Variants in SGCZ observed in about 807,000 individuals in gnomAD.
SGCZ encodes the protein zeta-sarcoglycan.
Under a neutral mutation model 41.3 loss-of-function variants are expected in SGCZ, and 40 were observed. The ratio of observed to expected loss-of-function variants is 0.97; its 90% CI spans 0.75 to 1.26. The LOEUF is 1.26. SGCZ is among the 50% of genes most tolerant of loss of function. The pLI is 0.00. For missense variants in SGCZ, 552 were observed against 369.8 expected (o/e 1.49, Z -4.04); for synonymous variants, 206 against 137.5 (o/e 1.50, Z -3.49).
At chr8:14,436,023 C>G (rs1190485056) in intron 2 of SGCZ, among the ~76,000 whole-genome samples, 1 of 152,176 alleles carries the variant, frequency 6.6e-6, no homozygotes, top group Non-Finnish European at 1.5e-5. Context: ...GATTACTAAG[C>G]AGGTATTATT....
chr8:14,802,789 T>A (rs754103363), intron 1 of SGCZ, among the ~76,000 whole-genome samples: 10 of 152,206 alleles, frequency 6.6e-5, no homozygotes, highest in Non-Finnish European at 1.0e-4. Context: ...TTAGATGAGA[T>A]AAAGAGGAGC....
At chr8:14,488,226 A>G (rs2035357950) in intron 2 of SGCZ, among the ~76,000 whole-genome samples, 1 of 152,242 alleles carries the variant, frequency 6.6e-6, no homozygotes, top group Admixed American at 6.5e-5. Context: ...TTAATAAAAC[A>G]AACAAAAACA....
At chr8:14,947,247 A>G (rs1800483511) in intron 1 of SGCZ, among the ~76,000 whole-genome samples, 1 of 152,220 alleles carries the variant, frequency 6.6e-6, no homozygotes. Flanking sequence ...GAAGTATTTC[A>G]AATTTCTTAA....
chr8:14,600,693 G>A (rs1805562683), intron 1 of SGCZ, among the ~76,000 whole-genome samples: 1 of 152,000 alleles, frequency 6.6e-6, no homozygotes, highest in South Asian at 2.1e-4. Context: ...AGCCTGTGAT[G>A]GCTGTGTCAT....
intron 2 of SGCZ, among the ~76,000 whole-genome samples, chr8:14,514,296 G>A (rs1318911678): frequency 6.6e-6 from 1 of 152,068 alleles, no homozygotes; most frequent in African/African-American, 2.4e-5. Flanking sequence ...TGCAGTAGAA[G>A]TGACTTCAGA....
chr8:14,624,780 A>G (rs2117380272), intron 1 of SGCZ, among the ~76,000 whole-genome samples: 1 of 151,774 alleles, frequency 6.6e-6, no homozygotes, highest in African/African-American at 2.4e-5. Context: ...CATGTTGGCC[A>G]GGCTGCTCTT....
intron 1 of SGCZ, among the ~76,000 whole-genome samples, chr8:15,050,320 G>A (rs1804466582): frequency 6.6e-6 from 1 of 152,148 alleles, no homozygotes; most frequent in Non-Finnish European, 1.5e-5. Context: ...TTGTAGTTCA[G>A]AGGAGAGGTT....
At chr8:15,032,544 T>A (rs1196805374) in intron 1 of SGCZ, among the ~76,000 whole-genome samples, 2 of 152,058 alleles carry the variant, frequency 1.3e-5, no homozygotes, top group Admixed American at 1.3e-4. Flanking sequence ...TCCACCCTGG[T>A]AGACCTACAG....
At chr8:14,117,147 G>C (rs1802548388) in intron 5 of SGCZ, among the ~76,000 whole-genome samples, 1 of 151,986 alleles carries the variant, frequency 6.6e-6, no homozygotes, top group Non-Finnish European at 1.5e-5. Flanking sequence ...CTTTAAAGGT[G>C]TTTGTCCTCT....
intron 5 of SGCZ, among the ~76,000 whole-genome samples, chr8:14,131,725 C>G (rs1803046941): frequency 6.6e-6 from 1 of 152,112 alleles, no homozygotes; most frequent in South Asian, 2.1e-4. Flanking sequence ...AGCCATGAAA[C>G]AGATAACATT....
At chr8:14,707,601 A>C (rs1311042806) in intron 1 of SGCZ, among the ~76,000 whole-genome samples, 1 of 152,150 alleles carries the variant, frequency 6.6e-6, no homozygotes, top group Non-Finnish European at 1.5e-5. Flanking sequence ...TTATCTTCAG[A>C]ATGAGTACAA....
chr8:15,149,143 T>C (rs1799111612), intron 1 of SGCZ, among the ~76,000 whole-genome samples: 1 of 152,154 alleles, frequency 6.6e-6, no homozygotes, highest in South Asian at 2.1e-4. Context: ...TCAGAGGCTC[T>C]GGAAACCAGG....
chr8:15,011,824 A>G (rs63324763), intron 1 of SGCZ, among the ~76,000 whole-genome samples: 109,599 of 151,542 alleles, frequency 0.72, 39,988 homozygotes, highest in African/African-American at 0.82. Context: ...AAATTTGACA[A>G]AATTAATTAT....
intron 1 of SGCZ, among the ~76,000 whole-genome samples, chr8:14,743,198 C>T (rs1017168306): frequency 6.6e-6 from 1 of 151,904 alleles, no homozygotes; most frequent in Non-Finnish European, 1.5e-5. Flanking sequence ...TATAGAATTC[C>T]TACTTTATAG....
At chr8:14,116,998 G>A (rs1340185241) in intron 5 of SGCZ, among the ~76,000 whole-genome samples, 1 of 151,994 alleles carries the variant, frequency 6.6e-6, no homozygotes, top group Non-Finnish European at 1.5e-5. Context: ...TAGTTTACAG[G>A]GAAGTCCAAG....
intron 1 of SGCZ, among the ~76,000 whole-genome samples, chr8:14,880,833 T>G (rs920806657): frequency 1.3e-5 from 2 of 152,000 alleles, no homozygotes; most frequent in African/African-American, 4.8e-5. Context: ...GGGATAGCAT[T>G]AGGAGATATA....
At chr8:14,850,948 C>T (rs902115407) in intron 1 of SGCZ, among the ~76,000 whole-genome samples, 9 of 152,152 alleles carry the variant, frequency 5.9e-5, no homozygotes, top group African/African-American at 2.2e-4. Context: ...TCAATTAAAC[C>T]TCTTTCCTTT....
intron 1 of SGCZ, among the ~76,000 whole-genome samples, chr8:14,925,162 C>A (rs552372190): frequency 6.6e-6 from 1 of 152,078 alleles, no homozygotes; most frequent in East Asian, 1.9e-4. Flanking sequence ...CCAGCCAAGA[C>A]ATTTTCTTTA....
chr8:14,404,484 A>C (rs4831584), intron 2 of SGCZ, among the ~76,000 whole-genome samples: 6 of 152,200 alleles, frequency 3.9e-5, no homozygotes, highest in Admixed American at 3.9e-4. Context: ...AAATAATACT[A>C]AATGATTAAA....
Sources: allele counts gnomAD v4.1 joint callset (sites outside exome capture counted in the v4.1 genomes callset), GRCh38; gene constraint gnomAD v4.1.1; transcripts MANE v1.5; gene names NCBI Gene and HGNC (gene_info 2026-07-23, HGNC 2026-07-21).